The following SLC44A1 variants were observed in gnomAD, a reference collection of about 807,000 sequenced individuals.
SLC44A1 encodes the protein choline transporter-like protein 1.
A neutral mutation model predicts 79.3 loss-of-function variants in SLC44A1; 26 were observed. That is an observed-to-expected ratio of 0.33 (90% CI 0.24 to 0.46). The LOEUF (loss-of-function observed/expected upper bound fraction) is 0.46. Among genes scored for constraint, SLC44A1 ranks in the 20% least tolerant of loss-of-function variants. The pLI is 1.00. For synonymous variants in SLC44A1, 263 were observed against 286.2 expected (o/e 0.92, Z 0.82); for missense variants, 688 against 798.1 (o/e 0.86, Z 1.66).
At chr9:105,277,689 G>A (rs943118336) in intron 1 of SLC44A1, among the ~76,000 whole-genome samples, 2 of 152,160 alleles carry the variant, frequency 1.3e-5, no homozygotes, top group African/African-American at 2.4e-5. Flanking sequence ...GAGTTGGGAC[G>A]GACCAACTAA....
intron 15 of SLC44A1, among the ~76,000 whole-genome samples, chr9:105,406,897 T>C (rs887727239): frequency 4.6e-5 from 7 of 152,222 alleles, no homozygotes; most frequent in African/African-American, 1.4e-4. Context: ...AACAATGTTT[T>C]ACCTAATAGA....
At chr9:105,370,974 G>A (rs951223959) in intron 12 of SLC44A1, among the ~76,000 whole-genome samples, 3 of 152,168 alleles carry the variant, frequency 2.0e-5, no homozygotes, top group Non-Finnish European at 4.4e-5. Flanking sequence ...CCAAAAACTT[G>A]TTATGAATAA....
At chr9:105,311,451 CCA>C (rs1448465535) in intron 3 of SLC44A1, among the ~76,000 whole-genome samples, 1 of 152,264 alleles carries the variant, frequency 6.6e-6, no homozygotes. Flanking sequence ...TGCCATGACT[CCA>C]AGCCTGTTCT....
At chr9:105,315,769 A>T (rs982709501) in intron 3 of SLC44A1, among the ~76,000 whole-genome samples, 1 of 152,218 alleles carries the variant, frequency 6.6e-6, no homozygotes, top group East Asian at 1.9e-4. Flanking sequence ...TATAGATAAA[A>T]TATGCTAAAA....
downstream of SLC44A1, among the ~76,000 whole-genome samples, chr9:105,398,305 T>C (rs1328999970): frequency 6.6e-6 from 1 of 152,242 alleles, no homozygotes; most frequent in Non-Finnish European, 1.5e-5. Context: ...CTGCCTTTTA[T>C]TAGCAAATGT....
At position 105,395,229 on chromosome 9, in the gene SLC44A1, T is replaced by C; in HGVS notation, c.*6173T>C. On this transcript the variant is annotated 3_prime_UTR_variant, in exon 16 of 16. Coordinates refer to ENST00000374720, the MANE Select transcript of SLC44A1 (RefSeq NM_080546.5). ...GGGGGTTTTTTTTGTTTGTTTTTGG[T>C]GTTTTTTTGAGACGGAGTCTCGCTC... The C allele has an allele frequency of 1.0e-6, 1 of 975,830 alleles. No individual in the cohort carries two copies. The highest frequency in any genetic ancestry group is 1.2e-6 in the Non-Finnish European group (1 of 821,260). The allele number at this position is 975,830 out of a possible 1,614,324, so 60.4% of individuals were successfully genotyped here. A position where few individuals can be genotyped will look rare whatever the true frequency, so the allele number is the denominator to read the frequency against.
rs1261496797 is a variant in SLC44A1, at chr9:105,383,449, A to G, written c.1869+90A>G. On this transcript the variant is annotated intron_variant, in intron 14 of 15. Coordinates refer to ENST00000374720, the MANE Select transcript of SLC44A1 (RefSeq NM_080546.5). Reference sequence around the variant, plus strand: ...ACATTCTCTATATTTAATTCACACTATATGCAACTGAGTAATTTAGAATTA... The same window carrying G: ...ACATTCTCTATATTTAATTCACACTGTATGCAACTGAGTAATTTAGAATTA... 1.5e-5 allele frequency: 11 copies of G among 752,156 alleles called. No homozygotes were observed. In the East Asian group the frequency reaches 2.6e-4, roughly 18 times the overall value. 46.6% of individuals were successfully genotyped at this position (752,156 alleles called of 1,614,324 possible). A position where few individuals can be genotyped will look rare whatever the true frequency, so the allele number is the denominator to read the frequency against.
intron 12 of SLC44A1, among the ~76,000 whole-genome samples, chr9:105,372,842 T>C (rs1004426041): frequency 3.4e-5 from 5 of 145,280 alleles, no homozygotes; most frequent in South Asian, 2.3e-4. Context: ...CCCAGCTACT[T>C]GGGAGGCTGA....
chr9:105,365,957 A>C (rs1430812210), intron 11 of SLC44A1, among the ~76,000 whole-genome samples: 3 of 151,998 alleles, frequency 2.0e-5, no homozygotes, highest in East Asian at 3.9e-4. Flanking sequence ...CTCAAATTCT[A>C]CTCCTTTGTA....
chr9:105,364,424 C>T, intron 9 of SLC44A1, 131 bp from the exon 10 acceptor site: 8 of 632,416 alleles, frequency 1.3e-5, no homozygotes, highest in African/African-American at 3.6e-5. Flanking sequence ...TATTTTTGTC[C>T]CTTTATGAAA....
intron 3 of SLC44A1, among the ~76,000 whole-genome samples, chr9:105,333,158 G>A (rs975942646): frequency 6.6e-6 from 1 of 152,206 alleles, no homozygotes; most frequent in African/African-American, 2.4e-5. Context: ...GGAGGCTGAA[G>A]CCTACAGGAC....
chr9:105,290,206 T>C lies in SLC44A1; in HGVS notation c.37-9014T>C, dbSNP rs1830571404. On this transcript the variant is annotated intron_variant, in intron 1 of 15. Transcript: ENST00000374720. ...TGCATATGCATGAAATTTTAAAAAA[T>C]GGTTACAGGATAGCCAAAAAAGTCA... 2.0e-5 allele frequency among the ~76,000 whole-genome samples: 3 copies of C among 152,138 alleles called. No homozygotes were observed. In the South Asian group the frequency reaches 6.2e-4, roughly 32 times the overall value.
intron 7 of SLC44A1, among the ~76,000 whole-genome samples, chr9:105,360,412 T>C (rs1827745383): frequency 1.3e-5 from 2 of 152,224 alleles, no homozygotes; most frequent in East Asian, 3.8e-4. Flanking sequence ...TTCCCTATTA[T>C]TATATAAGTT....
intron 15 of SLC44A1, among the ~76,000 whole-genome samples, chr9:105,436,318 C>G (rs1829463451): frequency 6.6e-6 from 1 of 152,204 alleles, no homozygotes; most frequent in Non-Finnish European, 1.5e-5. Context: ...ATGATCATAA[C>G]CAAGCAACAA....
chr9:105,353,578 A>G (rs1294791892), intron 5 of SLC44A1, among the ~76,000 whole-genome samples: 1 of 152,184 alleles, frequency 6.6e-6, no homozygotes, highest in Non-Finnish European at 1.5e-5. Context: ...CCAATGGAGA[A>G]AGTAAGAGAG....
intron 15 of SLC44A1, among the ~76,000 whole-genome samples, chr9:105,429,510 G>T (rs1829365522): frequency 6.6e-6 from 1 of 152,102 alleles, no homozygotes; most frequent in African/African-American, 2.4e-5. Context: ...GCCATGTTGT[G>T]CAGGCTGCTC....
rs116909568 is a variant in SLC44A1 at position 105,424,594 on chromosome 9, A to C, written c.1951-13687A>C. 6.6e-5 allele frequency among the ~76,000 whole-genome samples: 10 copies of C among 152,326 alleles called. No homozygotes were observed. The East Asian group carries it at 1.7e-3, about 26-fold the overall frequency. On this transcript the variant is annotated intron_variant, in intron 15 of 15. Coordinates refer to the SLC44A1 transcript ENST00000374724. Reference sequence around the variant, plus strand: ...TAGGATATGATCCCATTAGATCTCAACTTCAACTATTATATCAACAATGGT... The same window carrying C: ...TAGGATATGATCCCATTAGATCTCACCTTCAACTATTATATCAACAATGGT...
rs146417854 is a variant in SLC44A1, at chr9:105,272,726, C to A, written c.37-26494C>A. Among the ~76,000 whole-genome samples the A allele has an allele frequency of 2.6e-5, 4 of 152,086 alleles. No individual in the cohort carries two copies. In the East Asian group the frequency reaches 7.7e-4, roughly 29 times the overall value. On this transcript the variant is annotated intron_variant, in intron 1 of 15. Coordinates refer to ENST00000374720, the MANE Select transcript of SLC44A1 (RefSeq NM_080546.5). ...TATTTTTTAGGTATCCCAAATTCCA[C>A]TTAAGGTTGATGAATGGCCTACTGG...
chr9:105,308,797 G>A (rs527687622), intron 2 of SLC44A1, among the ~76,000 whole-genome samples: 2 of 152,302 alleles, frequency 1.3e-5, no homozygotes, highest in South Asian at 2.1e-4. Context: ...CGATCAGATT[G>A]CAAGAATAGT....
Sources: gnomAD v4.1 joint callset for allele counts (sites outside exome capture counted in the v4.1 genomes callset) on GRCh38, gnomAD v4.1.1 for gene constraint, MANE v1.5 for transcripts, NCBI Gene and HGNC (gene_info 2026-07-23, HGNC 2026-07-21) for gene names.